The following TXNDC16 variants were observed in gnomAD, a reference collection of about 807,000 sequenced individuals.
TXNDC16 encodes the protein thioredoxin domain-containing protein 16.
Under a neutral mutation model 85.6 loss-of-function variants are expected in TXNDC16, and 74 were observed. The ratio of observed to expected loss-of-function variants is 0.86; its 90% CI spans 0.72 to 1.05. The LOEUF (loss-of-function observed/expected upper bound fraction) is 1.05. Ranked by LOEUF, TXNDC16 falls within the 50% of genes least tolerant of loss-of-function variation. TXNDC16 has a pLI of 0.00. For missense variants in TXNDC16, 959 were observed against 947.0 expected (o/e 1.01, Z -0.17); for synonymous variants, 335 against 326.5 (o/e 1.03, Z -0.28).
chr14:52,503,921 G>A (rs922036781), intron 9 of TXNDC16, among the ~76,000 whole-genome samples: 5 of 152,182 alleles, frequency 3.3e-5, no homozygotes, highest in African/African-American at 2.4e-5. Flanking sequence ...AGAACTACGG[G>A]ACAAATGCAC....
chr14:52,538,785 TG>T (rs1469847845), intron 4 of TXNDC16, among the ~76,000 whole-genome samples: 3 of 152,234 alleles, frequency 2.0e-5, no homozygotes, highest in African/African-American at 7.2e-5. Context: ...GGGGTTTTCC[TG>T]TTGTTCAATT....
At chr14:52,472,769 C>G in intron 14 of TXNDC16, among the ~76,000 whole-genome samples, 1 of 152,138 alleles carries the variant, frequency 6.6e-6, no homozygotes, top group East Asian at 1.9e-4. Flanking sequence ...GAAGAAATCA[C>G]TTAGGCAGAT....
At position 52,544,645 on chromosome 14, in the gene TXNDC16, G is replaced by A. The variant is rs565309492; in HGVS notation, c.-181-274C>T. 4.6e-5 allele frequency among the ~76,000 whole-genome samples: 7 copies of A among 151,836 alleles called. No homozygotes were observed. In the South Asian group the frequency reaches 1.5e-3, roughly 32 times the overall value. ...TCATATTAAATTGAGTATTTACTCTGCTCATTCAATATTATCAATAAGCAC... is the reference window on the plus strand; with the variant it reads ...TCATATTAAATTGAGTATTTACTCTACTCATTCAATATTATCAATAAGCAC... On this transcript the variant is annotated intron_variant, in intron 1 of 20. Coordinates refer to ENST00000281741, the MANE Select transcript of TXNDC16 (RefSeq NM_020784.3).
intron 9 of TXNDC16, among the ~76,000 whole-genome samples, chr14:52,499,857 T>C (rs930179674): frequency 1.1e-4 from 17 of 152,116 alleles, no homozygotes; most frequent in African/African-American, 3.4e-4. Flanking sequence ...CCATCTTGTA[T>C]ACCTTAAAAT....
At chr14:52,514,201 G>A (rs2037025192) in intron 8 of TXNDC16, among the ~76,000 whole-genome samples, 1 of 151,964 alleles carries the variant, frequency 6.6e-6, no homozygotes, top group Non-Finnish European at 1.5e-5. Flanking sequence ...AAAACATCTG[G>A]GCTTTAAACT....
At chr14:52,551,311 CAA>C (rs200262401) in intron 1 of TXNDC16, among the ~76,000 whole-genome samples, 14,470 of 139,402 alleles carry the variant, frequency 0.1, 1,021 homozygotes, top group East Asian at 0.37. Context: ...TCGTCTCTAC[CAA>C]AAAAAAAAAA....
At chr14:52,521,534 G>A (rs924273464) in intron 6 of TXNDC16, among the ~76,000 whole-genome samples, 6 of 152,066 alleles carry the variant, frequency 3.9e-5, no homozygotes, top group African/African-American at 1.4e-4. Context: ...GTAGCCTCTA[G>A]AACCCCAATT....
intron 9 of TXNDC16, among the ~76,000 whole-genome samples, chr14:52,508,688 T>C (rs2036877086): frequency 6.6e-6 from 1 of 152,136 alleles, no homozygotes; most frequent in Admixed American, 6.5e-5. Context: ...AATGATAGAC[T>C]GGATTAACAA....
chr14:52,506,799 A>G (rs1027737447), intron 9 of TXNDC16, among the ~76,000 whole-genome samples: 1 of 141,282 alleles, frequency 7.1e-6, no homozygotes, highest in African/African-American at 2.7e-5. Context: ...CTCATGATCC[A>G]CCCGCCTCGG....
At chr14:52,436,530 A>T (rs77908848) in intron 20 of TXNDC16, among the ~76,000 whole-genome samples, 12,957 of 152,136 alleles carry the variant, frequency 0.085, 605 homozygotes, top group South Asian at 0.14. Flanking sequence ...ATGCCTGAAA[A>T]AGTACTGAAT....
At chr14:52,516,413 C>G (rs1239561468) in intron 7 of TXNDC16, among the ~76,000 whole-genome samples, 1 of 152,210 alleles carries the variant, frequency 6.6e-6, no homozygotes, top group African/African-American at 2.4e-5. Flanking sequence ...GAAAACACTG[C>G]TCCATTTCCT....
At chr14:52,523,599 T>G (rs1271437972) in intron 6 of TXNDC16, among the ~76,000 whole-genome samples, 2 of 152,090 alleles carry the variant, frequency 1.3e-5, no homozygotes, top group Non-Finnish European at 1.5e-5. Context: ...AAAAGAAATA[T>G]CCCAAAGTCT....
chr14:52,465,389 G>A (rs569831717), intron 16 of TXNDC16, among the ~76,000 whole-genome samples: 4 of 152,018 alleles, frequency 2.6e-5, no homozygotes, highest in South Asian at 4.1e-4. Flanking sequence ...TGAGGAGATC[G>A]AGACCATCCT....
intron 6 of TXNDC16, among the ~76,000 whole-genome samples, chr14:52,528,818 A>G (rs2037398588): frequency 6.8e-6 from 1 of 146,154 alleles, no homozygotes; most frequent in South Asian, 2.2e-4. Context: ...ACTGGTATAT[A>G]TATTATACCT....
intron 18 of TXNDC16, among the ~76,000 whole-genome samples, chr14:52,443,854 A>G (rs1452027469): frequency 6.6e-6 from 1 of 152,232 alleles, no homozygotes; most frequent in Non-Finnish European, 1.5e-5. Flanking sequence ...CAAAAGAGAA[A>G]GACCAAGAGA....
chr14:52,519,018 G>A (rs1310587183), intron 7 of TXNDC16, among the ~76,000 whole-genome samples, 154 bp downstream of exon 7: 4 of 151,944 alleles, frequency 2.6e-5, no homozygotes, highest in Non-Finnish European at 5.9e-5. Context: ...ACTGTATTAC[G>A]CTGCCCATTT....
chr14:52,531,663 G>A (rs2037583472), intron 6 of TXNDC16, among the ~76,000 whole-genome samples: 1 of 152,156 alleles, frequency 6.6e-6, no homozygotes, highest in Non-Finnish European at 1.5e-5. Flanking sequence ...GAGAGGAAGG[G>A]ATGAATAGTT....
chr14:52,476,810 C>G (rs1282699786), intron 14 of TXNDC16, among the ~76,000 whole-genome samples: 2 of 152,116 alleles, frequency 1.3e-5, no homozygotes, highest in African/African-American at 4.8e-5. Flanking sequence ...CATCCAAGTA[C>G]AAGAAGCCCA....
chr14:52,531,092 C>A (rs907511418), intron 6 of TXNDC16, among the ~76,000 whole-genome samples: 3 of 152,010 alleles, frequency 2.0e-5, no homozygotes, highest in African/African-American at 4.8e-5. Context: ...CATCATAAGT[C>A]ATCAGGGAAA....
Sources: gnomAD v4.1 joint callset for allele counts (sites outside exome capture counted in the v4.1 genomes callset) on GRCh38, gnomAD v4.1.1 for gene constraint, MANE v1.5 for transcripts, NCBI Gene and HGNC (gene_info 2026-07-23, HGNC 2026-07-21) for gene names.